GNAQ: variants seen among roughly 807,000 people sequenced by gnomAD.
GNAQ encodes the protein guanine nucleotide-binding protein G(q) subunit alpha.
GNAQ carries 8 observed loss-of-function variants against 43.9 expected under a neutral mutation model. That is an observed-to-expected ratio of 0.18 (90% CI 0.11 to 0.33). The LOEUF (loss-of-function observed/expected upper bound fraction) is 0.33, where lower values mean the gene tolerates loss of function less well. Among genes scored for constraint, GNAQ ranks in the 10% least tolerant of loss-of-function variants. The probability of loss-of-function intolerance (pLI) is 1.00; values close to 1 mark genes in which losing one functional copy is unlikely to be tolerated. For synonymous variants in GNAQ, 155 were observed against 170.7 expected, an observed-to-expected ratio of 0.91 and a Z score of 0.71; for missense variants, 158 against 450.8, an observed-to-expected ratio of 0.35 and a Z score of 5.88.
In GNAQ at chr9:77,741,827, A is replaced by G. The variant is rs185256609; in HGVS notation, c.736-13160T>C. ...CTAATAATAGTCTGCATATGGATTTACTCCATCCCTGCTTTTCCTCTTGAT... is the reference window on the plus strand; with the variant it reads ...CTAATAATAGTCTGCATATGGATTTGCTCCATCCCTGCTTTTCCTCTTGAT... On this transcript the variant is annotated intron_variant, in intron 5 of 6. Coordinates refer to ENST00000286548, the MANE Select transcript of GNAQ (RefSeq NM_002072.5). Among the ~76,000 whole-genome samples, 9 of 152,272 alleles carry G rather than the reference A, an allele frequency of 5.9e-5. No homozygotes were observed. The East Asian group carries it at 1.5e-3, about 26-fold the overall frequency.
At chr9:77,918,781 G>C (rs1828953546) in intron 2 of GNAQ, among the ~76,000 whole-genome samples, 1 of 152,016 alleles carries the variant, frequency 6.6e-6, no homozygotes, top group Non-Finnish European at 1.5e-5. Flanking sequence ...GCCCAGCCCT[G>C]ATTAAACTTT....
chr9:78,029,657 G>T (rs1824025057), intron 1 of GNAQ, among the ~76,000 whole-genome samples: 1 of 152,140 alleles, frequency 6.6e-6, no homozygotes, highest in Non-Finnish European at 1.5e-5. Flanking sequence ...TAGTAACTAT[G>T]TGTGTGATCA....
chr9:77,741,181 A>G (rs1467329753), intron 5 of GNAQ, among the ~76,000 whole-genome samples: 1 of 152,236 alleles, frequency 6.6e-6, no homozygotes, highest in Non-Finnish European at 1.5e-5. Context: ...CTCTTGGTGT[A>G]AAACAGCATT....
At chr9:77,803,882 T>C (rs1315750936) in intron 3 of GNAQ, among the ~76,000 whole-genome samples, 1 of 152,218 alleles carries the variant, frequency 6.6e-6, no homozygotes, top group African/African-American at 2.4e-5. Flanking sequence ...GTTTACACCT[T>C]GTAACAGATA....
intron 1 of GNAQ, chr9:78,030,561 C>G (rs774560943): frequency 6.4e-5 from 30 of 470,994 alleles, no homozygotes; most frequent in South Asian, 3.7e-4. Flanking sequence ...ACCGTTCCCC[C>G]ATTCCCTCCT....
At chr9:77,972,583 C>A (rs1823249725) in intron 1 of GNAQ, among the ~76,000 whole-genome samples, 3 of 151,958 alleles carry the variant, frequency 2.0e-5, no homozygotes, top group Middle Eastern at 3.2e-3. Context: ...TTCACTACAA[C>A]AATCAAAAAC....
chr9:77,818,439 T>A (rs1448223228), intron 2 of GNAQ, among the ~76,000 whole-genome samples: 1 of 150,478 alleles, frequency 6.6e-6, no homozygotes, highest in Non-Finnish European at 1.5e-5. Flanking sequence ...ATACTCTCAA[T>A]TTTTTGTAAA....
chr9:77,725,534 C>T (rs1209250400), intron 6 of GNAQ, among the ~76,000 whole-genome samples: 2 of 141,774 alleles, frequency 1.4e-5, no homozygotes, highest in Admixed American at 1.4e-4. Context: ...TTTCTGTGGC[C>T]AAGTTTCCTC....
At chr9:77,966,962 G>C (rs1823175451) in intron 1 of GNAQ, among the ~76,000 whole-genome samples, 1 of 152,096 alleles carries the variant, frequency 6.6e-6, no homozygotes, top group Admixed American at 6.5e-5. Context: ...CCTAGGTTCG[G>C]GCAGTCCGTC....
intron 1 of GNAQ, among the ~76,000 whole-genome samples, chr9:77,952,483 T>C (rs1440754808): frequency 1.3e-5 from 2 of 152,224 alleles, no homozygotes; most frequent in African/African-American, 4.8e-5. Flanking sequence ...ATAAGTATGT[T>C]AGCAGTATCC....
At chr9:77,853,014 T>C (rs1827695151) in intron 2 of GNAQ, among the ~76,000 whole-genome samples, 3 of 152,342 alleles carry the variant, frequency 2.0e-5, no homozygotes, top group South Asian at 2.1e-4. Context: ...GAAAAGAACA[T>C]ACATTTTTCC....
intron 3 of GNAQ, among the ~76,000 whole-genome samples, chr9:77,805,057 A>C (rs1826806268): frequency 6.6e-6 from 1 of 152,128 alleles, no homozygotes; most frequent in Admixed American, 6.5e-5. Flanking sequence ...AAAGGAAAAA[A>C]GTGAAAAAAA....
intron 2 of GNAQ, among the ~76,000 whole-genome samples, chr9:77,900,551 C>T (rs1369322608): frequency 1.3e-5 from 2 of 152,008 alleles, no homozygotes; most frequent in African/African-American, 2.4e-5. Flanking sequence ...TTCACTAATT[C>T]CTAATTATCT....
chr9:78,029,848 T>G (rs1182927730), intron 1 of GNAQ, among the ~76,000 whole-genome samples: 2 of 152,212 alleles, frequency 1.3e-5, no homozygotes, highest in African/African-American at 4.8e-5. Flanking sequence ...AACACATTTA[T>G]TATACATGCA....
At chr9:77,857,703 G>A (rs949059407) in intron 2 of GNAQ, among the ~76,000 whole-genome samples, 2 of 150,372 alleles carry the variant, frequency 1.3e-5, no homozygotes, top group African/African-American at 4.9e-5. Context: ...AGGAAGACAG[G>A]AAAGGGAGGA....
chr9:77,808,987 C>T (rs1826872866), intron 3 of GNAQ, among the ~76,000 whole-genome samples: 1 of 152,190 alleles, frequency 6.6e-6, no homozygotes, highest in Non-Finnish European at 1.5e-5. Context: ...TCAGCAACTT[C>T]TTAGCAAGGT....
At chr9:77,841,487 C>G (rs893710606) in intron 2 of GNAQ, among the ~76,000 whole-genome samples, 4 of 152,164 alleles carry the variant, frequency 2.6e-5, no homozygotes, top group Non-Finnish European at 4.4e-5. Flanking sequence ...ATAAATTGGA[C>G]AAAATCACTG....
At chr9:78,030,501 C>CT (rs1312673058) in intron 1 of GNAQ, 1 of 470,722 alleles carries the variant, frequency 2.1e-6, no homozygotes, top group East Asian at 7.0e-5. Flanking sequence ...GGGCCAACCA[C>CT]TTGGCTTCCT....
At chr9:77,949,994 C>G (rs1176461790) in intron 1 of GNAQ, among the ~76,000 whole-genome samples, 1 of 152,122 alleles carries the variant, frequency 6.6e-6, no homozygotes, top group East Asian at 1.9e-4. Context: ...CATAATCCCC[C>G]CTCCTCCAGC....
Sources: allele counts gnomAD v4.1 joint callset (sites outside exome capture counted in the v4.1 genomes callset), GRCh38; gene constraint gnomAD v4.1.1; transcripts MANE v1.5; gene names NCBI Gene and HGNC (gene_info 2026-07-23, HGNC 2026-07-21).